Variants in ALDH4A1 observed in about 807,000 individuals in gnomAD.
ALDH4A1 encodes the protein aldehyde dehydrogenase 4 family member A1.
ALDH4A1 carries 46 observed loss-of-function variants against 70.5 expected under a neutral mutation model. The ratio of observed to expected loss-of-function variants is 0.65; its 90% CI spans 0.51 to 0.83. The LOEUF (loss-of-function observed/expected upper bound fraction) is 0.83. Ranked by LOEUF, ALDH4A1 falls within the 40% of genes least tolerant of loss-of-function variation. The probability of loss-of-function intolerance (pLI) is 0.00; values close to 1 mark genes in which losing one functional copy is unlikely to be tolerated. For missense variants in ALDH4A1, 749 were observed against 766.5 expected (o/e 0.98, Z 0.27); for synonymous variants, 323 against 324.3 (o/e 1.00, Z 0.04).
chr1:18,895,029 C>T (rs1310135476), intron 1 of ALDH4A1, among the ~76,000 whole-genome samples: 1 of 152,168 alleles, frequency 6.6e-6, no homozygotes, highest in East Asian at 1.9e-4. Flanking sequence ...CTCATCCATT[C>T]ACGCATTTAT....
At position 18,885,455 on chromosome 1, in the gene ALDH4A1, G is replaced by T; in HGVS notation, c.453+18C>A. Reference sequence around the variant, plus strand: ...CACCCCACCCCGCCCCACCCACCCGGGCCCACCAGCACCTCACCTGTCCCA... The same window carrying T: ...CACCCCACCCCGCCCCACCCACCCGTGCCCACCAGCACCTCACCTGTCCCA... On this transcript the variant is annotated intron_variant, in intron 5 of 14. Coordinates refer to ENST00000375341, the MANE Select transcript of ALDH4A1 (RefSeq NM_003748.4). 3.4e-6 allele frequency: 1 copy of T among 292,250 alleles called. No individual in the cohort carries two copies. The highest frequency in any genetic ancestry group is 5.5e-6 in the Non-Finnish European group (1 of 181,768). 18.1% of individuals were successfully genotyped at this position (292,250 alleles called of 1,614,324 possible).
In ALDH4A1 at chr1:18,893,794, G is replaced by A. The variant is rs558227806; in HGVS notation, c.63-3689C>T. 6.6e-4 allele frequency among the ~76,000 whole-genome samples: 100 copies of A among 152,304 alleles called. No homozygotes were observed. In the South Asian group the frequency reaches 0.011, roughly 16 times the overall value. On this transcript the variant is annotated intron_variant, in intron 1 of 14. Coordinates refer to ENST00000375341, the MANE Select transcript of ALDH4A1 (RefSeq NM_003748.4). ...GCTGGGATTACAGGCGTGAGCCACT[G>A]TGCCCAGCCGGTAGCTTATATTATT...
chr1:18,888,132 TG>T (rs1935292640), intron 3 of ALDH4A1, among the ~76,000 whole-genome samples: 1 of 152,238 alleles, frequency 6.6e-6, no homozygotes, highest in African/African-American at 2.4e-5. Flanking sequence ...TCATGGCCGC[TG>T]GAACGGACAA....
intron 1 of ALDH4A1, 71 bp downstream of exon 1, chr1:18,902,391 C>A: frequency 8.2e-7 from 1 of 1,212,360 alleles, no homozygotes; most frequent in Non-Finnish European, 1.1e-6. Flanking sequence ...GCGCGGGGGA[C>A]GCCCAGTGAC....
chr1:18,892,808 C>G (rs1383368773), intron 1 of ALDH4A1, among the ~76,000 whole-genome samples: 1 of 152,154 alleles, frequency 6.6e-6, no homozygotes, highest in Non-Finnish European at 1.5e-5. Flanking sequence ...CACTGACACC[C>G]CCTCATGGGG....
intron 5 of ALDH4A1, 112 bp downstream of exon 5, chr1:18,885,361 C>A: frequency 8.7e-7 from 1 of 1,154,432 alleles, no homozygotes; most frequent in South Asian, 1.4e-5. Flanking sequence ...TCTGGGTCCC[C>A]AAAAGGGCTT....
At chr1:18,888,277 G>C (rs1935297604) in intron 3 of ALDH4A1, among the ~76,000 whole-genome samples, 1 of 152,182 alleles carries the variant, frequency 6.6e-6, no homozygotes, top group African/African-American at 2.4e-5. Flanking sequence ...GGCCACACCT[G>C]AGATTGGCCT....
In ALDH4A1 at chr1:18,883,106, C is replaced by T; in HGVS notation, c.678+18G>A. 1 of 1,613,138 alleles carries T rather than the reference C, an allele frequency of 6.2e-7. No homozygotes were observed. The highest frequency in any genetic ancestry group is 8.5e-7 in the Non-Finnish European group (1 of 1,180,030). ...AGGACAACCAGCTGCCGCTGTCCCA[C>T]CTGTGCCCACATCTCACCATCAGGG... On this transcript the variant is annotated intron_variant, in intron 7 of 14. Coordinates refer to ENST00000375341, the MANE Select transcript of ALDH4A1 (RefSeq NM_003748.4).
chr1:18,890,229 C>T (rs750232048), intron 1 of ALDH4A1, 124 bp from the exon 2 acceptor site: 1 of 805,444 alleles, frequency 1.2e-6, no homozygotes, highest in Non-Finnish European at 2.0e-6. Flanking sequence ...TCCAATGCAA[C>T]TAGAAAGTGG....
intron 3 of ALDH4A1, among the ~76,000 whole-genome samples, chr1:18,889,057 C>A (rs1935332021): frequency 6.6e-6 from 1 of 152,178 alleles, no homozygotes; most frequent in African/African-American, 2.4e-5. Flanking sequence ...CGGGGCCCAG[C>A]TTTTTGTCAT....
intron 3 of ALDH4A1, among the ~76,000 whole-genome samples, chr1:18,887,419 G>A (rs977393330): frequency 1.3e-5 from 2 of 152,234 alleles, no homozygotes; most frequent in Non-Finnish European, 2.9e-5. Flanking sequence ...CTAACATGGT[G>A]AAACCCTCTC....
At chr1:18,885,087 G>T (rs1935139118) in intron 5 of ALDH4A1, among the ~76,000 whole-genome samples, 1 of 152,084 alleles carries the variant, frequency 6.6e-6, no homozygotes, top group Non-Finnish European at 1.5e-5. Context: ...GGTCTGGGTG[G>T]GTCATAAGCC....
At chr1:18,872,990 AAGATGCAAC>A (rs753002755) in intron 14 of ALDH4A1, 33 bp from the exon 15 acceptor site, 1 of 1,565,412 alleles carries the variant, frequency 6.4e-7, no homozygotes, top group Admixed American at 1.7e-5. Flanking sequence ...TTTCTCTGAA[AAGATGCAAC>A]AGCCTGGGCA....
chr1:18,885,454 G>A lies in ALDH4A1; in HGVS notation c.453+19C>T, dbSNP rs201900829. 649 of 233,676 alleles carry A rather than the reference G, an allele frequency of 2.8e-3. 5 individuals carry two copies. The highest frequency in any genetic ancestry group is 2.0e-3 in the Non-Finnish European group (311 of 159,338). 14.5% of individuals were successfully genotyped at this position (233,676 alleles called of 1,614,324 possible). On this transcript the variant is annotated intron_variant, in intron 5 of 14. Transcript: ENST00000375341. ...CCACCCCACCCCGCCCCACCCACCC[G>A]GGCCCACCAGCACCTCACCTGTCCC...
At position 18,883,320 on chromosome 1, in the gene ALDH4A1, C is replaced by G. The variant is rs138334153; in HGVS notation, c.562G>C (p.Val188Leu). 1.9e-6 allele frequency: 3 copies of G among 1,613,176 alleles called. No homozygotes were observed. Among genetic ancestry groups the G allele is most frequent in the Non-Finnish European group, 2.5e-6 (3 of 1,180,052 alleles). The part of the protein sequence containing the change: ...VELEGQQPIS[V>L]PPSTNSTVYR... ...ACCGTGCTGTTGGTGCTCGGGGGCACGCTGATGGGCTGCTGCCCCTCCAGC... is the reference window on the plus strand; with the variant it reads ...ACCGTGCTGTTGGTGCTCGGGGGCAGGCTGATGGGCTGCTGCCCCTCCAGC... Residue 188 changes from valine (V) to leucine (L), a missense_variant, in exon 6 of 15, where the codon GTG (valine) becomes CTG (leucine). Val to Leu is a conservative substitution (Grantham distance 32). Coordinates refer to ENST00000375341, the MANE Select transcript of ALDH4A1 (RefSeq NM_003748.4).
At chr1:18,879,166 G>A in intron 9 of ALDH4A1, 134 bp downstream of exon 9, 3 of 833,110 alleles carry the variant, frequency 3.6e-6, no homozygotes, top group Non-Finnish European at 3.9e-6. Flanking sequence ...AAGTTCTACT[G>A]GGCAGTGCTG....
chr1:18,884,968 G>A (rs1324913597), intron 5 of ALDH4A1, among the ~76,000 whole-genome samples: 1 of 152,206 alleles, frequency 6.6e-6, no homozygotes, highest in Non-Finnish European at 1.5e-5. Context: ...ACTATGGGCA[G>A]GACAGCTTGG....
At chr1:18,888,924 T>C (rs4912075) in intron 3 of ALDH4A1, among the ~76,000 whole-genome samples, 84,079 of 152,150 alleles carry the variant, frequency 0.55, 25,795 homozygotes, top group African/African-American at 0.84. Flanking sequence ...TGACCTTTTA[T>C]TCTCCCTCAA....
In ALDH4A1 at chr1:18,896,748, C is replaced by T. The variant is rs554878297; in HGVS notation, c.62+5714G>A. On this transcript the variant is annotated intron_variant, in intron 1 of 14. Coordinates refer to ENST00000375341, the MANE Select transcript of ALDH4A1 (RefSeq NM_003748.4). ...TCTCTACTAAAAATACAAAAATTAG[C>T]TGGACATGGTGGCACATGCCTGTAA... Among the ~76,000 whole-genome samples, 357 of 152,274 alleles carry T rather than the reference C, an allele frequency of 2.3e-3. 4 individuals are homozygous for T. Among genetic ancestry groups the T allele is most frequent in the African/African-American group, 8.4e-3 (347 of 41,554 alleles).
Sources: gnomAD v4.1 joint callset for allele counts (sites outside exome capture counted in the v4.1 genomes callset) on GRCh38, gnomAD v4.1.1 for gene constraint, MANE v1.5 for transcripts, NCBI Gene and HGNC (gene_info 2026-07-23, HGNC 2026-07-21) for gene names.